The following DUOX2 variants were observed in gnomAD, a reference collection of about 807,000 sequenced individuals.
The protein encoded by DUOX2 is dual oxidase 2, also known as NADH/NADPH thyroid oxidase p138-tox.
Under a neutral mutation model 183.3 loss-of-function variants are expected in DUOX2, and 185 were observed. The observed-to-expected ratio is 1.01, with a 90% CI of 0.90 to 1.14. The LOEUF is 1.14. Ranked by LOEUF, DUOX2 falls within the 50% of genes most tolerant of loss-of-function variation. The pLI, the probability that DUOX2 is intolerant of heterozygous loss-of-function variation, is 0.00. For synonymous variants in DUOX2, 788 were observed against 812.4 expected (o/e 0.97, Z 0.51); for missense variants, 1,999 against 2,022.9 (o/e 0.99, Z 0.23).
At chr15:45,101,065 G>A in intron 22 of DUOX2, 140 bp downstream of exon 22, 2 of 802,614 alleles carry the variant, frequency 2.5e-6, no homozygotes, top group Non-Finnish European at 4.3e-6. Flanking sequence ...AGAGGCAGCT[G>A]GAATGTTTGT....
intron 26 of DUOX2, 90 bp from the exon 27 acceptor site, chr15:45,098,148 C>T: frequency 7.7e-7 from 1 of 1,302,890 alleles, no homozygotes; most frequent in Non-Finnish European, 1.1e-6. Context: ...CCTGCTGGCC[C>T]TGACTGCTGA....
rs1894153944 is a variant in DUOX2 at position 45,104,192 on chromosome 15, A to G, written c.2508T>C (p.Asn836=). 1 of 1,614,188 alleles carries G rather than the reference A, an allele frequency of 6.2e-7. No homozygotes were observed. The highest frequency in any genetic ancestry group is 8.5e-7 in the Non-Finnish European group (1 of 1,180,040). ...GGAACTCTCGGAAGGACAGGTAGCC[A>G]TTGCCATCCTTGTCAGCCAGAGAGA... is the stretch of plus-strand genomic sequence containing the variant. ...SMFSLADKDG[N]GYLSFREFLD... Residue 836 remains asparagine, a synonymous_variant, in exon 19 of 34, where the codon AAT becomes AAC. Coordinates refer to ENST00000389039, the MANE Select transcript of DUOX2 (RefSeq NM_001363711.2).
chr15:45,113,499 T>C, intron 1 of DUOX2, 74 bp from the exon 2 acceptor site: 1 of 1,181,534 alleles, frequency 8.5e-7, no homozygotes, highest in Non-Finnish European at 1.2e-6. Context: ...CCTCCCCTCT[T>C]GTTCCTACAG....
Position 45,110,898 on chromosome 15 carries a change from T to G in DUOX2, c.883-188A>C, listed in dbSNP as rs2412956. ...ACCAGGGGATTTGAGGGAGTGGGGG[T>G]TGGGGAGGTGATAAATAATCATCAC... On this transcript the variant is annotated intron_variant, in intron 7 of 33. Transcript: ENST00000389039. Among the ~76,000 whole-genome samples the G allele has an allele frequency of 1, 149,616 of 150,278 alleles. 74,483 individuals are homozygous for G. The highest frequency in any genetic ancestry group is 1 in the Middle Eastern group (292 of 292).
intron 11 of DUOX2, 31 bp downstream of exon 11, chr15:45,109,493 T>A: frequency 6.2e-7 from 1 of 1,607,392 alleles, no homozygotes; most frequent in South Asian, 1.1e-5. Context: ...CCTGGTCCCT[T>A]ACCATCCACC....
rs555083063 is a variant in DUOX2, at chr15:45,110,515, G to A, written c.953C>T (p.Pro318Leu). 6.2e-7 allele frequency: 1 copy of A among 1,614,160 alleles called. No individual in the cohort carries two copies. Among genetic ancestry groups the A allele is most frequent in the Admixed American group, 1.7e-5 (1 of 60,028 alleles). The stretch of plus-strand genomic sequence containing the variant: ...CGGGGAGATGCTGGGGTCTAGGAAA[G>A]GACGGTATCCTGCAGGAAGGAGACG... ...KTLPEYTGYR[P>L]FLDPSISPEF... Residue 318 changes from proline (P) to leucine (L), a missense_variant, in exon 9 of 34, where the codon CCT (proline) becomes CTT (leucine). By Grantham distance (98) the Pro-to-Leu change is moderately conservative. Around this residue, in one of 3 missense-constraint regions of DUOX2, gnomAD observed 1,628 missense variants for 1,608.6 expected, o/e 1.01. Coordinates refer to ENST00000389039, the MANE Select transcript of DUOX2 (RefSeq NM_001363711.2).
intron 17 of DUOX2, 148 bp downstream of exon 17, chr15:45,105,977 G>C (rs1445648163): frequency 7.3e-7 from 1 of 1,366,022 alleles, no homozygotes; most frequent in South Asian, 1.2e-5. Flanking sequence ...AAGGGGGTCA[G>C]GTTGTGTCTG....
chr15:45,108,304 AC>A (rs1894283448), intron 12 of DUOX2, 82 bp from the exon 13 acceptor site: 12 of 1,522,364 alleles, frequency 7.9e-6, no homozygotes, highest in Non-Finnish European at 1.1e-5. Context: ...CGGGCACAGA[AC>A]CTCAGCCGCT....
In DUOX2 at chr15:45,094,165, G is replaced by A. The variant is rs1179368402; in HGVS notation, c.4632C>T (p.His1544=). ...NRQDRAHFMH[H]YENF The stretch of plus-strand genomic sequence containing the variant: ...GAGGACAGGCTCAGAAGTTCTCATA[G>A]TGGTGCATGAAGTGGGCTCGGTCCT... Residue 1544 remains histidine, a synonymous_variant, in exon 34 of 34, where the codon CAC becomes CAT. Coordinates refer to ENST00000389039, the MANE Select transcript of DUOX2 (RefSeq NM_001363711.2). The A allele has an allele frequency of 6.2e-7, 1 of 1,614,152 alleles. No individual in the cohort carries two copies. The highest frequency in any genetic ancestry group is 1.7e-5 in the Admixed American group (1 of 60,022).
At position 45,095,569 on chromosome 15, in the gene DUOX2, C is replaced by A; in HGVS notation, c.4107G>T (p.Glu1369Asp). ...PKLYLDGPFG[E>D]GHQEWHKFEV... The stretch of plus-strand genomic sequence containing the variant: ...CAAATTTATGCCACTCCTGATGGCC[C>A]TCTCCAAACGGTCCATCAAGGTACA... Residue 1369 changes from glutamate (E) to aspartate (D), a missense_variant, in exon 31 of 34, where the codon GAG becomes GAT. Physicochemically the swap from Glu to Asp is conservative, Grantham distance 45. Coordinates refer to ENST00000389039, the MANE Select transcript of DUOX2 (RefSeq NM_001363711.2). 1 of 1,614,224 alleles carries A rather than the reference C, an allele frequency of 6.2e-7. No homozygotes were observed. The highest frequency in any genetic ancestry group is 8.5e-7 in the Non-Finnish European group (1 of 1,180,040).
intron 11 of DUOX2, 186 bp downstream of exon 11, chr15:45,109,338 A>G: frequency 1.6e-6 from 1 of 627,932 alleles, no homozygotes; most frequent in Non-Finnish European, 2.8e-6. Context: ...AAGCAACACA[A>G]AAGTGTAAAT....
rs761457141 is a variant in DUOX2 at position 45,099,905 on chromosome 15, T to C, written c.3185-13A>G. The C allele has an allele frequency of 4.3e-6, 7 of 1,613,580 alleles. No individual in the cohort carries two copies. In the African/African-American group the frequency reaches 6.7e-5, roughly 15 times the overall value. On this transcript the variant is annotated splice_polypyrimidine_tract_variant and intron_variant, in intron 24 of 33. Transcript: ENST00000389039. ...GCAAAGCCATAGTCTGGGGCCGGAG[T>C]GAGGTTACATCAGCTTGGCACAGGT...
chr15:45,106,359 A>C, intron 16 of DUOX2, 32 bp from the exon 17 acceptor site: 2 of 1,612,462 alleles, frequency 1.2e-6, no homozygotes, highest in Non-Finnish European at 1.7e-6. Flanking sequence ...CGGGTAGTTC[A>C]GCAGATGTCC....
intron 26 of DUOX2, among the ~76,000 whole-genome samples, chr15:45,098,619 G>C (rs560650574): frequency 6.6e-6 from 1 of 152,146 alleles, no homozygotes; most frequent in South Asian, 2.1e-4. Context: ...CCTTCTTGAA[G>C]GCAAGAAATT....
chr15:45,096,749 G>C (rs938329322), intron 29 of DUOX2, among the ~76,000 whole-genome samples: 3 of 152,238 alleles, frequency 2.0e-5, no homozygotes, highest in Non-Finnish European at 2.9e-5. Context: ...TTTACAACAT[G>C]AGTCCTGAAG....
chr15:45,105,909 G>A, intron 17 of DUOX2, 81 bp from the exon 18 acceptor site: 3 of 1,564,516 alleles, frequency 1.9e-6, no homozygotes, highest in Admixed American at 1.8e-5. Flanking sequence ...ATCTTGGGTT[G>A]AGGGGAGGAG....
intron 20 of DUOX2, among the ~76,000 whole-genome samples, 165 bp from the exon 21 acceptor site, chr15:45,102,154 G>A (rs1894101424): frequency 2.6e-5 from 4 of 152,186 alleles, no homozygotes; most frequent in South Asian, 2.1e-4. Flanking sequence ...AGCTGGGTGG[G>A]GTAGCCATGG....
chr15:45,094,606 G>T lies in DUOX2; in HGVS notation c.4481C>A (p.Pro1494His), dbSNP rs576041718. The part of the protein sequence containing the change: ...LRSITHFGRP[P>H]FEPFFNSLQE... ...CAGGGAGTTGAAGAAGGGCTCGAAG[G>T]GGGGACGGCCAAAGTGGGTGATGGA... The change falls in exon 33 of 34, where the codon CCC (proline) becomes CAC (histidine). Residue 1494 changes from proline to histidine, a missense_variant. Around this residue, in one of 3 missense-constraint regions of DUOX2, gnomAD observed 1,628 missense variants for 1,608.6 expected, o/e 1.01. Transcript: ENST00000389039. 39 of 1,614,104 alleles carry T rather than the reference G, an allele frequency of 2.4e-5. No homozygotes were observed. Among genetic ancestry groups the T allele is most frequent in the Non-Finnish European group, 3.0e-5 (35 of 1,180,030 alleles).
intron 28 of DUOX2, 55 bp from the exon 29 acceptor site, chr15:45,097,446 T>A: frequency 6.2e-7 from 1 of 1,613,884 alleles, no homozygotes; most frequent in Non-Finnish European, 8.5e-7. Flanking sequence ...CTGCCCGGCA[T>A]CCCCTCTTGC....
Sources: allele counts gnomAD v4.1 joint callset (sites outside exome capture counted in the v4.1 genomes callset), GRCh38; gene constraint gnomAD v4.1.1; regional missense constraint gnomAD v4.1.1; transcripts MANE v1.5; gene names NCBI Gene and HGNC (gene_info 2026-07-23, HGNC 2026-07-21).